PRDM12: variants seen among roughly 807,000 people sequenced by gnomAD.
PRDM12 encodes PR/SET domain 12, also known as PR domain zinc finger protein 12.
PRDM12 carries 17 observed loss-of-function variants against 29.6 expected under a neutral mutation model. That is an observed-to-expected ratio of 0.57 (90% CI 0.39 to 0.86). PRDM12 has a LOEUF of 0.86. PRDM12 is among the 40% of genes least tolerant of loss of function. The pLI is 0.00. For missense variants in PRDM12, 422 were observed against 510.8 expected, an observed-to-expected ratio of 0.83 and a Z score of 1.68; for synonymous variants, 231 against 225.8, an observed-to-expected ratio of 1.02 and a Z score of -0.21.
Position 130,682,307 on chromosome 9 carries a change from C to A in PRDM12, c.*638C>A, listed in dbSNP as rs1830914451. On this transcript the variant is annotated 3_prime_UTR_variant, in exon 5 of 5. Transcript: ENST00000253008. This position sits in a 1 kb window ranked among gnomAD's most constrained non-coding sequence, Gnocchi z 4.2. Reference sequence around the variant, plus strand: ...TCTCTCCTTTAGGCCAGCTTACCCCCAAACCTGGCTCCTGGGGACGGATGA... The same window carrying A: ...TCTCTCCTTTAGGCCAGCTTACCCCAAAACCTGGCTCCTGGGGACGGATGA... 6.6e-6 allele frequency: 1 copy of A among 152,342 alleles called. No homozygotes were observed. Among genetic ancestry groups the A allele is most frequent in the Admixed American group, 6.5e-5 (1 of 15,278 alleles). 9.4% of individuals were successfully genotyped at this position (152,342 alleles called of 1,614,324 possible).
At chr9:130,669,685 G>A (rs1394390457) in intron 3 of PRDM12, among the ~76,000 whole-genome samples, 2 of 139,008 alleles carry the variant, frequency 1.4e-5, no homozygotes, top group African/African-American at 2.7e-5. Flanking sequence ...GTGTGGTTGC[G>A]GGTGCCTGTA....
In PRDM12 at chr9:130,666,589, C is replaced by A. The variant is rs1409487486; in HGVS notation, c.224-19C>A. 1 of 1,597,210 alleles carries A rather than the reference C, an allele frequency of 6.3e-7. No homozygotes were observed. The highest frequency in any genetic ancestry group is 1.7e-5 in the Admixed American group (1 of 57,648). ...GCTGCCTCGGGCTCTGACCGGTTTT[C>A]CTGGCCCCGCCGCCGCAGAAGTGCA... On this transcript the variant is annotated intron_variant, in intron 1 of 4. Coordinates refer to ENST00000253008, the MANE Select transcript of PRDM12 (RefSeq NM_021619.3).
In PRDM12 at chr9:130,664,665, C is replaced by G; in HGVS notation, c.12C>G (p.Ser4=). The change falls in exon 1 of 5, where the codon TCC becomes TCG. Residue 4 remains serine, a synonymous_variant. Transcript: ENST00000253008. The surrounding 1 kb of genome is among the most constrained non-coding windows in gnomAD (Gnocchi z 6.4). Reference sequence around the variant, plus strand: ...GCTCCGGGCCGCCCATGATGGGCTCCGTGCTCCCGGCTGAGGCCCTGGTGC... The same window carrying G: ...GCTCCGGGCCGCCCATGATGGGCTCGGTGCTCCCGGCTGAGGCCCTGGTGC... MMG[S]VLPAEALVLK... is the part of the protein sequence containing the mutation. 1 of 1,594,960 alleles carries G rather than the reference C, an allele frequency of 6.3e-7. No individual in the cohort carries two copies. Among genetic ancestry groups the G allele is most frequent in the Non-Finnish European group, 8.5e-7 (1 of 1,174,558 alleles).
At position 130,666,702 on chromosome 9, in the gene PRDM12, G is replaced by C. The variant is rs764649984; in HGVS notation, c.318G>C (p.Thr106=). ...PGEGLGIFSK[T]WIKAGTEMGP... ...AGGGCCTCGGCATCTTCTCCAAGAC[G>C]TGGATCAAGGCGGGAACCGAGATGG... is the stretch of plus-strand genomic sequence containing the variant. Residue 106 remains threonine, a synonymous_variant, in exon 2 of 5, where the codon ACG becomes ACC. Coordinates refer to ENST00000253008, the MANE Select transcript of PRDM12 (RefSeq NM_021619.3). The C allele has an allele frequency of 1.9e-6, 3 of 1,613,468 alleles. No homozygotes were observed. Among genetic ancestry groups the C allele is most frequent in the Non-Finnish European group, 2.5e-6 (3 of 1,179,908 alleles).
Position 130,681,701 on chromosome 9 carries a change from C to A in PRDM12, c.*32C>A. On this transcript the variant is annotated 3_prime_UTR_variant, in exon 5 of 5. Transcript: ENST00000253008. The surrounding 1 kb of genome is among the most constrained non-coding windows in gnomAD (Gnocchi z 8.1). Reference sequence around the variant, plus strand: ...CCGCGCCCCCGCCGGGCCCCGCGCGCTCCTGGGTCCCCGGCACCCCGGCCC... The same window carrying A: ...CCGCGCCCCCGCCGGGCCCCGCGCGATCCTGGGTCCCCGGCACCCCGGCCC... 1 of 979,940 alleles carries A rather than the reference C, an allele frequency of 1.0e-6. No homozygotes were observed. The highest frequency in any genetic ancestry group is 1.2e-6 in the Non-Finnish European group (1 of 826,936). 60.7% of individuals were successfully genotyped at this position (979,940 alleles called of 1,614,324 possible).
Position 130,678,520 on chromosome 9 carries a change from T to C in PRDM12, c.571-9T>C, listed in dbSNP as rs533379533. On this transcript the variant is annotated splice_polypyrimidine_tract_variant and intron_variant, in intron 3 of 4. Transcript: ENST00000253008. ...CCTCCCTGACCTCCTCTTGCCTTCTTCCCTGCAGATGATCCCACCTGACCA... is the reference window on the plus strand; with the variant it reads ...CCTCCCTGACCTCCTCTTGCCTTCTCCCCTGCAGATGATCCCACCTGACCA... 7.5e-6 allele frequency: 12 copies of C among 1,603,026 alleles called. No homozygotes were observed. In the African/African-American group the frequency reaches 9.4e-5, roughly 13 times the overall value.
At chr9:130,671,386 C>A (rs1002884765) in intron 3 of PRDM12, among the ~76,000 whole-genome samples, 2 of 150,458 alleles carry the variant, frequency 1.3e-5, no homozygotes, top group Non-Finnish European at 1.5e-5. Context: ...CACACACACA[C>A]ACACACACAC....
intron 3 of PRDM12, among the ~76,000 whole-genome samples, chr9:130,674,064 G>A (rs1199733058): frequency 1.4e-5 from 2 of 137,994 alleles, no homozygotes; most frequent in African/African-American, 2.8e-5. Context: ...TCCCAGGCTG[G>A]AGTGCAATGG....
Position 130,664,892 on chromosome 9 carries a change from G to A in PRDM12, c.223+16G>A. On this transcript the variant is annotated intron_variant, in intron 1 of 4. Coordinates refer to ENST00000253008, the MANE Select transcript of PRDM12 (RefSeq NM_021619.3). The surrounding 1 kb of genome is among the most constrained non-coding windows in gnomAD (Gnocchi z 6.4). ...TTCTCCGGCGGTGAGTCCAGCCGTC[G>A]GAGCCCGGCGCAATCCCTCCTCCCG... 6.6e-7 allele frequency: 1 copy of A among 1,514,454 alleles called. No individual in the cohort carries two copies. Among genetic ancestry groups the A allele is most frequent in the Non-Finnish European group, 8.9e-7 (1 of 1,127,212 alleles). 93.8% of individuals were successfully genotyped at this position (1,514,454 alleles called of 1,614,324 possible). A position where few individuals can be genotyped will look rare whatever the true frequency, so the allele number is the denominator to read the frequency against.
chr9:130,671,774 G>C (rs538609292), intron 3 of PRDM12, among the ~76,000 whole-genome samples: 1 of 152,112 alleles, frequency 6.6e-6, no homozygotes, highest in African/African-American at 2.4e-5. Flanking sequence ...TATTCTCTGC[G>C]TGTGGGTGAG....
chr9:130,680,646 TATATATATATATA>T (rs1158956756), intron 4 of PRDM12, among the ~76,000 whole-genome samples: 4 of 81,848 alleles, frequency 4.9e-5, no homozygotes, highest in African/African-American at 1.9e-4. Flanking sequence ...TATATATATA[TATATATATATATA>T]TTTTTTTTTT....
chr9:130,681,818 G>A lies in PRDM12; in HGVS notation c.*149G>A, dbSNP rs1347741409. ...GGTTGCGCCCCGGAGGCGGATCTCA[G>A]GCACCCCCGCCTTGGCCCGTGTCGC... On this transcript the variant is annotated 3_prime_UTR_variant, in exon 5 of 5. Coordinates refer to ENST00000253008, the MANE Select transcript of PRDM12 (RefSeq NM_021619.3). This position sits in a 1 kb window ranked among gnomAD's most constrained non-coding sequence, Gnocchi z 8.1. 1.6e-5 allele frequency: 11 copies of A among 707,664 alleles called. No individual in the cohort carries two copies. Among genetic ancestry groups the A allele is most frequent in the Non-Finnish European group, 1.9e-5 (11 of 576,278 alleles). 43.8% of individuals were successfully genotyped at this position (707,664 alleles called of 1,614,324 possible).
chr9:130,666,824 C>A (rs1830738012), intron 2 of PRDM12, 26 bp downstream of exon 2: 1 of 1,563,076 alleles, frequency 6.4e-7, no homozygotes, highest in Non-Finnish European at 8.7e-7. Context: ...GGCAGAGGGG[C>A]GCAAGGGCCG....
intron 3 of PRDM12, among the ~76,000 whole-genome samples, chr9:130,670,870 G>T (rs1400792651): frequency 6.6e-6 from 1 of 152,162 alleles, no homozygotes; most frequent in Non-Finnish European, 1.5e-5. Context: ...GTGGGGGCCT[G>T]AGTCTCATCT....
chr9:130,665,745 C>A (rs551462017), intron 1 of PRDM12, among the ~76,000 whole-genome samples: 3 of 152,186 alleles, frequency 2.0e-5, no homozygotes, highest in African/African-American at 7.2e-5. Context: ...CCCGCCGCGC[C>A]GCAATGGACA....
intron 3 of PRDM12, among the ~76,000 whole-genome samples, chr9:130,670,324 C>A (rs184818821): frequency 6.6e-6 from 1 of 152,058 alleles, no homozygotes; most frequent in Non-Finnish European, 1.5e-5. Context: ...GTGCCAGGGC[C>A]TAGTAGCTTC....
intron 3 of PRDM12, among the ~76,000 whole-genome samples, chr9:130,674,492 T>TTG (rs58489448): frequency 0.08 from 11,465 of 142,638 alleles, 516 homozygotes; most frequent in East Asian, 0.17. Context: ...AAAAGATAAT[T>TTG]TGTGTGTGTG....
chr9:130,681,363 G>T lies in PRDM12; in HGVS notation c.798G>T (p.Thr266=). The stretch of plus-strand genomic sequence containing the variant: ...TGCGCTCGCACATGCGCATCCACAC[G>T]CTGGACAAGCCCTTCGTGTGCCGCT... ...SNLRSHMRIH[T]LDKPFVCRFC... Residue 266 remains threonine, a synonymous_variant, in exon 5 of 5, where the codon ACG becomes ACT. Transcript: ENST00000253008. The surrounding 1 kb of genome is among the most constrained non-coding windows in gnomAD (Gnocchi z 8.1). 2 of 1,587,670 alleles carry T rather than the reference G, an allele frequency of 1.3e-6. No individual in the cohort carries two copies. Among genetic ancestry groups the T allele is most frequent in the South Asian group, 1.1e-5 (1 of 88,364 alleles).
intron 4 of PRDM12, 120 bp downstream of exon 4, chr9:130,678,760 T>C: frequency 2.6e-6 from 2 of 767,228 alleles, no homozygotes; most frequent in South Asian, 1.8e-5. Context: ...TGGTTCAATG[T>C]CTGGCAGCAT....
Sources: allele counts gnomAD v4.1 joint callset (sites outside exome capture counted in the v4.1 genomes callset), GRCh38; gene constraint gnomAD v4.1.1; non-coding constraint Gnocchi (gnomAD v3.1); transcripts MANE v1.5; gene names NCBI Gene and HGNC (gene_info 2026-07-23, HGNC 2026-07-21).